Variants in C10orf90 observed in about 807,000 individuals in gnomAD.
The protein encoded by C10orf90 is (E2-independent) E3 ubiquitin-conjugating enzyme FATS.
Under a neutral mutation model 62.5 loss-of-function variants are expected in C10orf90, and 56 were observed. The ratio of observed to expected loss-of-function variants is 0.90; its 90% CI spans 0.72 to 1.12. The LOEUF is 1.12. Ranked by LOEUF, C10orf90 falls within the 50% of genes most tolerant of loss-of-function variation. The pLI is 0.00. For missense variants in C10orf90, 970 were observed against 880.4 expected, an observed-to-expected ratio of 1.10 and a Z score of -1.29; for synonymous variants, 386 against 340.4, an observed-to-expected ratio of 1.13 and a Z score of -1.47.
chr10:126,454,513 G>C (rs546410006), intron 7 of C10orf90, among the ~76,000 whole-genome samples: 1 of 151,432 alleles, frequency 6.6e-6, no homozygotes, highest in East Asian at 2.0e-4. Flanking sequence ...GGCTGACCCC[G>C]TACTGCCTAT....
intron 4 of C10orf90, chr10:126,502,818 T>C (rs768307440): frequency 1.9e-6 from 1 of 529,458 alleles, no homozygotes; most frequent in Non-Finnish European, 3.9e-6. Context: ...GCTTATGTTG[T>C]CCTTCTTGTA....
intron 7 of C10orf90, among the ~76,000 whole-genome samples, chr10:126,448,363 T>C (rs1286515532): frequency 6.6e-6 from 1 of 152,108 alleles, no homozygotes; most frequent in South Asian, 2.1e-4. Flanking sequence ...CTAAAACATA[T>C]GGAATGCAGC....
chr10:126,613,686 G>T (rs1845485326), intron 2 of C10orf90, among the ~76,000 whole-genome samples: 1 of 152,202 alleles, frequency 6.6e-6, no homozygotes, highest in South Asian at 2.1e-4. Context: ...ACAAGTGCTT[G>T]CTAGGTCTTG....
intron 1 of C10orf90, among the ~76,000 whole-genome samples, chr10:126,666,688 T>A (rs1846633760): frequency 1.3e-5 from 2 of 152,134 alleles, no homozygotes; most frequent in Admixed American, 6.5e-5. Context: ...TTTAAAAAGT[T>A]CACTATGAGG....
At chr10:126,526,429 A>C (rs1392124446) in intron 2 of C10orf90, among the ~76,000 whole-genome samples, 1 of 151,952 alleles carries the variant, frequency 6.6e-6, no homozygotes, top group Admixed American at 6.6e-5. Flanking sequence ...TATTTTTAGT[A>C]GAGATGGGGT....
chr10:126,535,516 C>CA (rs35841777), intron 2 of C10orf90, among the ~76,000 whole-genome samples: 3,915 of 132,000 alleles, frequency 0.03, 158 homozygotes, highest in African/African-American at 0.099. Flanking sequence ...GACGCTGTCT[C>CA]AAAAAAAAAA....
rs138905491 is a variant in C10orf90, at chr10:126,535,256, G to A, written c.314-21317C>T. On this transcript the variant is annotated intron_variant, in intron 2 of 9. Coordinates refer to ENST00000488181, the MANE Select transcript of C10orf90 (RefSeq NM_001350921.2). ...TTGTCAGCTGGGTGTGGTGGGTCACGCCTGTAATCCCAGCACTTTGGGAGG... is the reference window on the plus strand; with the variant it reads ...TTGTCAGCTGGGTGTGGTGGGTCACACCTGTAATCCCAGCACTTTGGGAGG... 6.1e-3 allele frequency among the ~76,000 whole-genome samples: 925 copies of A among 151,910 alleles called. 12 individuals are homozygous for A. The highest frequency in any genetic ancestry group is 0.021 in the African/African-American group (877 of 41,400).
chr10:126,545,115 C>T (rs1444497196), intron 2 of C10orf90, among the ~76,000 whole-genome samples: 12 of 152,156 alleles, frequency 7.9e-5, no homozygotes, highest in African/African-American at 1.9e-4. Flanking sequence ...AATGCACCCC[C>T]GCTTCCCATG....
intron 2 of C10orf90, among the ~76,000 whole-genome samples, chr10:126,557,836 C>T (rs183629354): frequency 2.2e-4 from 34 of 152,014 alleles, no homozygotes; most frequent in Admixed American, 2.0e-4. Context: ...CTCCATGGGG[C>T]TGGTGTTACT....
intron 2 of C10orf90, among the ~76,000 whole-genome samples, chr10:126,544,209 G>A (rs1473421098): frequency 6.6e-6 from 1 of 152,202 alleles, no homozygotes; most frequent in Non-Finnish European, 1.5e-5. Flanking sequence ...GCCCCAGTTG[G>A]TGACTTCTGT....
intron 7 of C10orf90, among the ~76,000 whole-genome samples, chr10:126,449,608 C>T (rs1859036720): frequency 6.6e-6 from 1 of 152,150 alleles, no homozygotes; most frequent in African/African-American, 2.4e-5. Context: ...CTGCAGATGA[C>T]ATGATCTTAT....
chr10:126,486,094 G>A (rs1318173153), intron 4 of C10orf90, among the ~76,000 whole-genome samples: 1 of 152,116 alleles, frequency 6.6e-6, no homozygotes, highest in African/African-American at 2.4e-5. Context: ...GCTGATTTTC[G>A]GTCCCTTATA....
At chr10:126,593,555 T>C (rs1311268257) in intron 2 of C10orf90, among the ~76,000 whole-genome samples, 2 of 151,870 alleles carry the variant, frequency 1.3e-5, no homozygotes, top group Non-Finnish European at 2.9e-5. Context: ...CAAAGAGGCA[T>C]GGGGGAGGGA....
At chr10:126,665,366 G>T (rs926086377) in intron 1 of C10orf90, among the ~76,000 whole-genome samples, 1 of 152,302 alleles carries the variant, frequency 6.6e-6, no homozygotes, top group South Asian at 2.1e-4. Context: ...GAAAGGAAAT[G>T]TTCGCTTTAC....
intron 2 of C10orf90, among the ~76,000 whole-genome samples, chr10:126,643,549 T>C (rs1402661180): frequency 6.6e-6 from 1 of 152,150 alleles, no homozygotes; most frequent in South Asian, 2.1e-4. Flanking sequence ...TGACCTTGCC[T>C]CCTGACTGAT....
rs184290043 is a variant in C10orf90 at position 126,610,659 on chromosome 10, G to T, written c.313+35906C>A. On this transcript the variant is annotated intron_variant, in intron 2 of 9. Transcript: ENST00000488181. ...TTCATTGGATGAATAAATGATAAAT[G>T]AATATTCATTATCATTCTCTCCACA... Among the ~76,000 whole-genome samples, 4 of 152,298 alleles carry T rather than the reference G, an allele frequency of 2.6e-5. No individual in the cohort carries two copies. In the East Asian group the frequency reaches 7.7e-4, roughly 29 times the overall value.
At chr10:126,432,585 A>G (rs1161162259) in intron 7 of C10orf90, among the ~76,000 whole-genome samples, 3 of 152,192 alleles carry the variant, frequency 2.0e-5, no homozygotes. Context: ...AGATATTTAA[A>G]CCAAGACCCG....
intron 2 of C10orf90, among the ~76,000 whole-genome samples, chr10:126,549,488 C>A (rs1401290476): frequency 6.6e-6 from 1 of 152,124 alleles, no homozygotes; most frequent in Non-Finnish European, 1.5e-5. Context: ...ATCAGCATGG[C>A]TAGGATTAAA....
intron 4 of C10orf90, among the ~76,000 whole-genome samples, chr10:126,467,466 A>G (rs1330569573): frequency 1.3e-5 from 2 of 152,176 alleles, no homozygotes; most frequent in Non-Finnish European, 2.9e-5. Context: ...TTCTCAGTTC[A>G]TGCCCAACAT....
Sources: gnomAD v4.1 joint callset for allele counts (sites outside exome capture counted in the v4.1 genomes callset) on GRCh38, gnomAD v4.1.1 for gene constraint, MANE v1.5 for transcripts, NCBI Gene and HGNC (gene_info 2026-07-23, HGNC 2026-07-21) for gene names.